Variants in CCDC178 observed in about 807,000 individuals in gnomAD.
CCDC178 encodes the protein coiled-coil domain containing 178.
CCDC178 carries 126 observed loss-of-function variants against 117.4 expected under a neutral mutation model. The ratio of observed to expected loss-of-function variants is 1.07; its 90% CI spans 0.93 to 1.24. The LOEUF is 1.24. Among genes scored for constraint, CCDC178 ranks in the 50% most tolerant of loss-of-function variants. The probability of loss-of-function intolerance (pLI) is 0.00; values close to 1 mark genes in which losing one functional copy is unlikely to be tolerated. For synonymous variants in CCDC178, 283 were observed against 313.4 expected (o/e 0.90, Z 1.02); for missense variants, 1,030 against 986.9 (o/e 1.04, Z -0.59).
intron 11 of CCDC178, chr18:33,323,127 T>C (rs2062536111): frequency 6.5e-6 from 1 of 153,428 alleles, no homozygotes; most frequent in African/African-American, 2.4e-5. Context: ...TTACAACTCA[T>C]TTATTGATAC....
At chr18:33,096,329 AATATAAAATTTTTATATTTT>A (rs1202930094) in intron 20 of CCDC178, among the ~76,000 whole-genome samples, 11 of 114,090 alleles carry the variant, frequency 9.6e-5, no homozygotes, top group East Asian at 7.0e-4. Flanking sequence ...TTTATATAAA[AATATAAAATTTTTATATTTT>A]ATATAAAAAT....
In CCDC178 at chr18:33,370,118, G is replaced by T; in HGVS notation, c.280C>A (p.Pro94Thr). ...HSCAVVNIPA[P>T]CVNKMISHIQ... Reference sequence around the variant, plus strand: ...TGTGAAATCATTTTGTTGACACAAGGTGCTGGAATATTTACTACGGCACAG... The same window carrying T: ...TGTGAAATCATTTTGTTGACACAAGTTGCTGGAATATTTACTACGGCACAG... Residue 94 changes from proline to threonine, a missense_variant, in exon 6 of 23, where the codon CCT (proline) becomes ACT (threonine). Pro to Thr is a conservative substitution (Grantham distance 38). Transcript: ENST00000383096. The T allele has an allele frequency of 6.2e-7, 1 of 1,606,124 alleles. No homozygotes were observed. The highest frequency in any genetic ancestry group is 1.1e-5 in the South Asian group (1 of 89,798).
intron 21 of CCDC178, among the ~76,000 whole-genome samples, chr18:32,984,886 A>T (rs1259848594): frequency 1.3e-5 from 2 of 151,926 alleles, no homozygotes; most frequent in Non-Finnish European, 2.9e-5. Context: ...GCCCAAAAGT[A>T]ATTAAGTACC....
At chr18:33,268,430 G>T (rs1459428814) in intron 12 of CCDC178, among the ~76,000 whole-genome samples, 1 of 151,670 alleles carries the variant, frequency 6.6e-6, no homozygotes, top group African/African-American at 2.4e-5. Context: ...AATTCAAAGT[G>T]GTCTCTATAC....
At chr18:33,344,834 C>T (rs1439854324) in intron 9 of CCDC178, among the ~76,000 whole-genome samples, 2 of 149,862 alleles carry the variant, frequency 1.3e-5, no homozygotes, top group Non-Finnish European at 3.0e-5. Flanking sequence ...CACACACACA[C>T]ACACACACAC....
At chr18:33,166,129 A>T (rs2058525415) in intron 20 of CCDC178, among the ~76,000 whole-genome samples, 1 of 152,152 alleles carries the variant, frequency 6.6e-6, no homozygotes, top group Non-Finnish European at 1.5e-5. Context: ...CTATTTGAAA[A>T]TAGTTTATAG....
At chr18:33,185,623 A>G (rs2058782219) in intron 20 of CCDC178, among the ~76,000 whole-genome samples, 1 of 152,090 alleles carries the variant, frequency 6.6e-6, no homozygotes, top group African/African-American at 2.4e-5. Context: ...ACACAAGGAG[A>G]TCGCAGTAAA....
At chr18:33,417,370 T>C (rs1382188110) in intron 2 of CCDC178, among the ~76,000 whole-genome samples, 1 of 152,228 alleles carries the variant, frequency 6.6e-6, no homozygotes, top group East Asian at 1.9e-4. Flanking sequence ...ATTCCATTTA[T>C]ATTCATGACA....
chr18:33,413,227 A>G (rs2063884184), intron 2 of CCDC178, among the ~76,000 whole-genome samples: 1 of 152,198 alleles, frequency 6.6e-6, no homozygotes, highest in African/African-American at 2.4e-5. Context: ...AATGCAATGA[A>G]AAAAGACTTC....
At chr18:33,226,334 C>A (rs2059303290) in intron 16 of CCDC178, among the ~76,000 whole-genome samples, 1 of 152,226 alleles carries the variant, frequency 6.6e-6, no homozygotes, top group South Asian at 2.1e-4. Context: ...AAAGGATATG[C>A]AGGTGGTAGA....
At chr18:33,049,304 A>T (rs1000248097) in intron 21 of CCDC178, among the ~76,000 whole-genome samples, 7 of 152,312 alleles carry the variant, frequency 4.6e-5, no homozygotes, top group Admixed American at 3.3e-4. Flanking sequence ...GCAATACCCT[A>T]TAACTCAAGG....
At chr18:33,298,321 T>A (rs1398467474) in intron 11 of CCDC178, among the ~76,000 whole-genome samples, 1 of 152,122 alleles carries the variant, frequency 6.6e-6, no homozygotes, top group Non-Finnish European at 1.5e-5. Flanking sequence ...AATGATTCAA[T>A]ATGCATGAAT....
chr18:33,157,681 G>A (rs1471540581), intron 20 of CCDC178, among the ~76,000 whole-genome samples: 3 of 152,074 alleles, frequency 2.0e-5, no homozygotes, highest in East Asian at 1.9e-4. Context: ...CTATTCTTGA[G>A]TCATTACTCT....
At chr18:33,275,997 T>G (rs4799683) in intron 12 of CCDC178, among the ~76,000 whole-genome samples, 1 of 151,438 alleles carries the variant, frequency 6.6e-6, no homozygotes, top group Non-Finnish European at 1.5e-5. Flanking sequence ...AACTGGGCAA[T>G]AGAGCAAGAC....
chr18:33,028,651 TTTG>T (rs1158525342), intron 21 of CCDC178, among the ~76,000 whole-genome samples: 4 of 151,914 alleles, frequency 2.6e-5, no homozygotes, highest in African/African-American at 7.2e-5. Flanking sequence ...AGTTGTGGGT[TTTG>T]TTGTTGTTGT....
rs916436064 is a variant in CCDC178 at position 33,224,109 on chromosome 18, A to C, written c.1818+666T>G. On this transcript the variant is annotated intron_variant, in intron 17 of 22. Coordinates refer to ENST00000383096, the MANE Select transcript of CCDC178 (RefSeq NM_001105528.4). ...CATTTTGAAAATTATCAAAGACTAAAAATATAAAGTTACATTATTATTTGC... is the reference window on the plus strand; with the variant it reads ...CATTTTGAAAATTATCAAAGACTAACAATATAAAGTTACATTATTATTTGC... 2.0e-5 allele frequency among the ~76,000 whole-genome samples: 3 copies of C among 152,194 alleles called. 1 individual carries two copies. The highest frequency in any genetic ancestry group is 4.1e-4 in the South Asian group (2 of 4,826).
intron 17 of CCDC178, among the ~76,000 whole-genome samples, chr18:33,223,509 A>G (rs2059264509): frequency 6.6e-6 from 1 of 152,160 alleles, no homozygotes; most frequent in Non-Finnish European, 1.5e-5. Context: ...GTTTTAATCA[A>G]AACTAAAACT....
intron 20 of CCDC178, among the ~76,000 whole-genome samples, chr18:33,113,498 T>C (rs1179177088): frequency 1.3e-5 from 2 of 151,984 alleles, no homozygotes; most frequent in African/African-American, 4.8e-5. Flanking sequence ...AGCTACCTAC[T>C]AGATGAAATT....
intron 2 of CCDC178, among the ~76,000 whole-genome samples, chr18:33,420,657 C>T (rs1334983311): frequency 6.6e-6 from 1 of 152,074 alleles, no homozygotes; most frequent in Non-Finnish European, 1.5e-5. Context: ...GCCCAGCCTG[C>T]CATTACTTTT....
Sources: gnomAD v4.1 joint callset for allele counts (sites outside exome capture counted in the v4.1 genomes callset) on GRCh38, gnomAD v4.1.1 for gene constraint, MANE v1.5 for transcripts, NCBI Gene and HGNC (gene_info 2026-07-23, HGNC 2026-07-21) for gene names.